TRIM21: variants seen among roughly 807,000 people sequenced by gnomAD.
TRIM21 encodes tripartite motif containing 21.
In TRIM21, 35 loss-of-function variants were observed where a neutral mutation model predicts 36.1. The observed-to-expected ratio is 0.97, with a 90% CI of 0.74 to 1.28. The LOEUF (loss-of-function observed/expected upper bound fraction) is 1.28. Among genes scored for constraint, TRIM21 ranks in the 50% most tolerant of loss-of-function variants. TRIM21 has a pLI of 0.00. For missense variants in TRIM21, 635 were observed against 570.7 expected, an observed-to-expected ratio of 1.11 and a Z score of -1.15; for synonymous variants, 256 against 211.5, an observed-to-expected ratio of 1.21 and a Z score of -1.83.
At chr11:4,386,045 T>C (rs966273524) in intron 6 of TRIM21, 112 bp downstream of exon 6, 24 of 1,150,300 alleles carry the variant, frequency 2.1e-5, no homozygotes, top group Non-Finnish European at 3.0e-5. Context: ...CCTCCATCTC[T>C]GTTCCCCCTG....
At chr11:4,391,321 C>T (rs1302653866) in intron 1 of TRIM21, among the ~76,000 whole-genome samples, 1 of 152,160 alleles carries the variant, frequency 6.6e-6, no homozygotes, top group East Asian at 1.9e-4. Flanking sequence ...GGCATATGAA[C>T]AGTTGCTCAA....
Position 4,390,018 on chromosome 11 carries a change from GC to G in TRIM21, c.391del (p.Ala131LeufsTer13). The G allele has an allele frequency of 6.2e-7, 1 of 1,613,900 alleles. No homozygotes were observed. The highest frequency in any genetic ancestry group is 8.5e-7 in the Non-Finnish European group (1 of 1,179,852). On this transcript the variant is annotated frameshift_variant, in exon 2 of 7. Transcript: ENST00000254436. LOFTEE classifies it high-confidence loss of function. ...RDHAMVPLEE[A>X]AQEYQEKLQV... ...AGGCCTCACCTGGTACTCCTGTGCA[GC>G]CTCCTCAAGAGGGACCATGGCGTGG...
Position 4,390,076 on chromosome 11 carries a change from A to G in TRIM21, c.334T>C (p.Trp112Arg), listed in dbSNP as rs2094961170. The change falls in exon 2 of 7, where the codon TGG (tryptophan) becomes CGG (arginine). Residue 112 changes from tryptophan to arginine, a missense_variant. Trp to Arg is a moderately radical substitution (Grantham distance 101, BLOSUM62 -3). Transcript: ENST00000254436. ...FCEKDGKALC[W>R]VCAQSRKHRD... is the part of the protein sequence containing the mutation. ...TGTTTCCGAGACTGGGCACATACCCAGCAAAGGGCCTTCCCATCTTTCTCA... is the reference window on the plus strand; with the variant it reads ...TGTTTCCGAGACTGGGCACATACCCGGCAAAGGGCCTTCCCATCTTTCTCA... The G allele has an allele frequency of 6.2e-7, 1 of 1,613,852 alleles. No individual in the cohort carries two copies. The highest frequency in any genetic ancestry group is 1.7e-5 in the Admixed American group (1 of 59,994).
At chr11:4,390,523 A>G in intron 1 of TRIM21, 65 bp from the exon 2 acceptor site, 1 of 1,024,498 alleles carries the variant, frequency 9.8e-7, no homozygotes. Context: ...ACAAAAAGTC[A>G]ACATAATCCC....
At chr11:4,391,840 T>A (rs1376549315) in intron 1 of TRIM21, among the ~76,000 whole-genome samples, 2 of 152,160 alleles carry the variant, frequency 1.3e-5, no homozygotes, top group East Asian at 3.9e-4. Context: ...ACACAAACAT[T>A]GTATGGTCTC....
chr11:4,386,058 C>G, intron 6 of TRIM21, 99 bp downstream of exon 6: 3 of 1,244,722 alleles, frequency 2.4e-6, no homozygotes, highest in East Asian at 2.4e-5. Context: ...TCCCCCTGCT[C>G]TGACCTGCCA....
intron 6 of TRIM21, 150 bp from the exon 7 acceptor site, chr11:4,386,003 G>T: frequency 2.8e-6 from 3 of 1,086,256 alleles, no homozygotes; most frequent in Non-Finnish European, 4.0e-6. Flanking sequence ...TTCTGGCCTT[G>T]GTCCTGACCT....
chr11:4,386,866 T>TG (rs2094956805), intron 5 of TRIM21, 102 bp downstream of exon 5: 1 of 1,227,330 alleles, frequency 8.1e-7, no homozygotes, highest in Non-Finnish European at 1.1e-6. Flanking sequence ...GGAAGCCAGA[T>TG]GGGGAAAACT....
chr11:4,390,326 G>A lies in TRIM21; in HGVS notation c.84C>T (p.Ser28=). The change falls in exon 2 of 7, where the codon AGC becomes AGT. Residue 28 remains serine, a synonymous_variant. Transcript: ENST00000254436. ...GGCAGAAGCTGTGGCCACACTCGAT[G>A]CTCACAGGCTCCACGAAGGGGTCCA... ...ICLDPFVEPV[S]IECGHSFCQE... 6.2e-7 allele frequency: 1 copy of A among 1,613,992 alleles called. No individual in the cohort carries two copies. The highest frequency in any genetic ancestry group is 8.5e-7 in the Non-Finnish European group (1 of 1,179,898).
intron 1 of TRIM21, among the ~76,000 whole-genome samples, chr11:4,392,778 C>T (rs2094964554): frequency 6.6e-6 from 1 of 152,068 alleles, no homozygotes. Flanking sequence ...TTGGCAAGAA[C>T]CTCATAAAGC....
Position 4,386,156 on chromosome 11 carries a change from C to T in TRIM21, c.859+1G>A, listed in dbSNP as rs1469347313. 1.2e-6 allele frequency: 2 copies of T among 1,612,904 alleles called. No homozygotes were observed. Among genetic ancestry groups the T allele is most frequent in the Non-Finnish European group, 1.7e-6 (2 of 1,179,814 alleles). ...CCCCGCAAAACTAGAACTTGCCTCA[C>T]CTGCACATGTCCTCAGCATCTTCTT... is the stretch of plus-strand genomic sequence containing the variant. On this transcript the variant is annotated splice_donor_variant, in intron 6 of 6. Transcript: ENST00000254436. LOFTEE classifies it high-confidence loss of function.
In TRIM21 at chr11:4,385,305, G is replaced by A. The variant is rs556551431; in HGVS notation, c.1408C>T (p.Gln470Ter). The change falls in exon 7 of 7, where the codon CAA becomes TAA. Residue 470 changes from glutamine to a stop codon, truncating the protein, a stop_gained. Coordinates refer to ENST00000254436, the MANE Select transcript of TRIM21 (RefSeq NM_003141.4). LOFTEE classifies it low-confidence loss of function (END_TRUNC). Reference sequence around the variant, plus strand: ...AGCCATCAATAGTCAGTGGATCCTTGTGATCCAATATTCAGTGGACAGAGG... The same window carrying A: ...AGCCATCAATAGTCAGTGGATCCTTATGATCCAATATTCAGTGGACAGAGG... Reference protein sequence around the residue: ...LTLCPLNIGSQGSTDY With the variant: ...LTLCPLNIGS 11 of 1,612,158 alleles carry A rather than the reference G, an allele frequency of 6.8e-6. No homozygotes were observed. The highest frequency in any genetic ancestry group is 1.3e-5 in the African/African-American group (1 of 74,884).
Position 4,388,463 on chromosome 11 carries a change from T to C in TRIM21, c.572A>G (p.Glu191Gly), listed in dbSNP as rs1276351524. The C allele has an allele frequency of 6.2e-7, 1 of 1,613,608 alleles. No individual in the cohort carries two copies. Among genetic ancestry groups the C allele is most frequent in the South Asian group, 1.1e-5 (1 of 91,082 alleles). ...CTCCTGCAGCTGCCTCTGTTCTTCT[T>C]CAACCAGGAAGTTTTTTTGCTGCAC... Reference protein sequence around the residue: ...EFVQQKNFLVEEEQRQLQELE... With the variant: ...EFVQQKNFLVGEEQRQLQELE... The change falls in exon 4 of 7, where the codon GAA becomes GGA. Residue 191 changes from glutamate (E) to glycine (G), a missense_variant. Coordinates refer to ENST00000254436, the MANE Select transcript of TRIM21 (RefSeq NM_003141.4).
chr11:4,388,283 A>G lies in TRIM21; in HGVS notation c.735+17T>C. 6.3e-7 allele frequency: 1 copy of G among 1,593,898 alleles called. No homozygotes were observed. Among genetic ancestry groups the G allele is most frequent in the Non-Finnish European group, 8.6e-7 (1 of 1,166,612 alleles). ...GTTATTCCCTGAATTGTAGAAGGAA[A>G]CCCCTCCCTGTCTCACCTGCAGCAG... On this transcript the variant is annotated intron_variant, in intron 4 of 6. Coordinates refer to ENST00000254436, the MANE Select transcript of TRIM21 (RefSeq NM_003141.4).
chr11:4,388,753 G>A (rs1396294518), intron 3 of TRIM21, among the ~76,000 whole-genome samples: 2 of 152,170 alleles, frequency 1.3e-5, no homozygotes, highest in Non-Finnish European at 2.9e-5. Flanking sequence ...AATGGACTTG[G>A]TGAGGGCACA....
At chr11:4,388,035 A>T (rs1260194211) in intron 4 of TRIM21, among the ~76,000 whole-genome samples, 1 of 152,238 alleles carries the variant, frequency 6.6e-6, no homozygotes, top group East Asian at 1.9e-4. Flanking sequence ...CATCTAGTCC[A>T]TAGTTTCCTA....
intron 4 of TRIM21, 64 bp from the exon 5 acceptor site, chr11:4,387,054 T>C: frequency 6.7e-7 from 1 of 1,491,668 alleles, no homozygotes; most frequent in Non-Finnish European, 9.1e-7. Context: ...ACATCAGCCC[T>C]GTGGGTGATG....
intron 5 of TRIM21, among the ~76,000 whole-genome samples, 182 bp downstream of exon 5, chr11:4,386,786 A>G (rs1453150175): frequency 6.6e-6 from 1 of 152,198 alleles, no homozygotes; most frequent in Non-Finnish European, 1.5e-5. Flanking sequence ...GCAATCACCA[A>G]TTGAGATGTC....
intron 5 of TRIM21, 25 bp from the exon 6 acceptor site, chr11:4,386,282 C>A (rs770396502): frequency 6.4e-7 from 1 of 1,572,066 alleles, no homozygotes; most frequent in Non-Finnish European, 8.8e-7. Context: ...GTTTGAGACT[C>A]CTGTCTCCTA....
Sources: gnomAD v4.1 joint callset for allele counts (sites outside exome capture counted in the v4.1 genomes callset) on GRCh38, gnomAD v4.1.1 for gene constraint, MANE v1.5 for transcripts, NCBI Gene and HGNC (gene_info 2026-07-23, HGNC 2026-07-21) for gene names.